The following PURG variants were observed in gnomAD, a reference collection of about 807,000 sequenced individuals.
PURG encodes purine rich element binding protein G.
A neutral mutation model predicts 24.3 loss-of-function variants in PURG; 3 were observed. That is an observed-to-expected ratio of 0.12 (90% CI 0.06 to 0.32). PURG has a LOEUF of 0.32. Ranked by LOEUF, PURG falls within the 10% of genes least tolerant of loss-of-function variation. The pLI, the probability that PURG is intolerant of heterozygous loss-of-function variation, is 1.00. For missense variants in PURG, 371 were observed against 439.1 expected (o/e 0.84, Z 1.39); for synonymous variants, 180 against 173.1 (o/e 1.04, Z -0.31).
Position 31,032,489 on chromosome 8 carries a change from G to A in PURG, c.294C>T (p.Asp98=), listed in dbSNP as rs779275650. 2 of 1,614,202 alleles carry A rather than the reference G, an allele frequency of 1.2e-6. No individual in the cohort carries two copies. The highest frequency in any genetic ancestry group is 1.7e-5 in the Admixed American group (1 of 60,034). The part of the protein sequence containing the change: ...AEVWIGRGRQ[D]NIRKSKLTLS... ...GGGTCAGTTTACTCTTTCTGATGTT[G>A]TCCTGCCGGCCTCTCCCTATCCAGA... Residue 98 remains aspartate (D), a synonymous_variant, in exon 2 of 2, where the codon GAC becomes GAT. Transcript: ENST00000523392. The surrounding 1 kb of genome is among the most constrained non-coding windows in gnomAD (Gnocchi z 5.9).
At chr8:31,015,127 A>G (rs1810835641) in intron 1 of PURG, among the ~76,000 whole-genome samples, 1 of 152,224 alleles carries the variant, frequency 6.6e-6, no homozygotes, top group Admixed American at 6.5e-5. Flanking sequence ...GAAAAGGTTG[A>G]GAAGAAAGTG....
At chr8:31,020,586 G>C (rs1203931264) in intron 1 of PURG, among the ~76,000 whole-genome samples, 4 of 152,256 alleles carry the variant, frequency 2.6e-5, no homozygotes, top group African/African-American at 4.8e-5. Context: ...TCTCAAGATA[G>C]CTGTTGAAAA....
chr8:30,998,204 T>A (rs1810465997), intron 1 of PURG, among the ~76,000 whole-genome samples: 1 of 151,842 alleles, frequency 6.6e-6, no homozygotes, highest in Non-Finnish European at 1.5e-5. Context: ...AGTCTTGTTA[T>A]CACATATACT....
chr8:31,024,394 G>A (rs1174863429), intron 1 of PURG, among the ~76,000 whole-genome samples: 4 of 152,062 alleles, frequency 2.6e-5, no homozygotes, highest in Non-Finnish European at 5.9e-5. Context: ...TTTCACATGA[G>A]GAAATCATCC....
intron 1 of PURG, among the ~76,000 whole-genome samples, chr8:30,999,881 C>T (rs1258681908): frequency 6.6e-6 from 1 of 151,850 alleles, no homozygotes; most frequent in African/African-American, 2.4e-5. Flanking sequence ...CAAAGCATTA[C>T]CATAAAACCT....
intron 1 of PURG, among the ~76,000 whole-genome samples, chr8:31,020,397 A>G (rs1459582549): frequency 6.6e-6 from 1 of 152,220 alleles, no homozygotes; most frequent in African/African-American, 2.4e-5. Flanking sequence ...AAGTCCTAAT[A>G]TTTAATAGTC....
intron 1 of PURG, among the ~76,000 whole-genome samples, chr8:31,008,550 C>T (rs1233620969): frequency 6.6e-6 from 1 of 152,176 alleles, no homozygotes; most frequent in Non-Finnish European, 1.5e-5. Flanking sequence ...GTGAGGCCCA[C>T]CAAGGCCTCC....
intron 1 of PURG, among the ~76,000 whole-genome samples, chr8:30,999,987 A>G (rs62704160): frequency 6.7e-6 from 1 of 148,904 alleles, no homozygotes; most frequent in Admixed American, 6.7e-5. Flanking sequence ...ATAAAAAAAA[A>G]CCACACTGGT....
At chr8:31,017,299 G>T (rs1276588897) in intron 1 of PURG, among the ~76,000 whole-genome samples, 4 of 151,948 alleles carry the variant, frequency 2.6e-5, no homozygotes, top group Non-Finnish European at 5.9e-5. Flanking sequence ...AAGGTGAATA[G>T]GATTGGGATC....
intron 1 of PURG, among the ~76,000 whole-genome samples, chr8:31,007,510 G>A (rs1185078217): frequency 6.6e-6 from 1 of 152,174 alleles, no homozygotes; most frequent in Admixed American, 6.5e-5. Flanking sequence ...TATTCTGAAT[G>A]ACGTCTATAT....
In PURG at chr8:31,032,669, G is replaced by C. The variant is rs373954201; in HGVS notation, c.114C>G (p.His38Gln). ...SRLYPQAQHS[H>Q]YPHYAASATP... ...TGGCTGAGGCCGCGTAGTGGGGGTAGTGGGAGTGCTGGGCCTGGGGATAGA... is the reference window on the plus strand; with the variant it reads ...TGGCTGAGGCCGCGTAGTGGGGGTACTGGGAGTGCTGGGCCTGGGGATAGA... The change falls in exon 2 of 2, where the codon CAC (histidine) becomes CAG (glutamine). Residue 38 changes from histidine (H) to glutamine (Q), a missense_variant. Coordinates refer to ENST00000523392, the MANE Select transcript of PURG (RefSeq NM_001323311.2). The surrounding 1 kb of genome is among the most constrained non-coding windows in gnomAD (Gnocchi z 5.9). 97 of 1,559,880 alleles carry C rather than the reference G, an allele frequency of 6.2e-5. No individual in the cohort carries two copies. The highest frequency in any genetic ancestry group is 8.2e-5 in the Non-Finnish European group (95 of 1,151,822).
Position 31,032,539 on chromosome 8 carries a change from C to T in PURG, c.244G>A (p.Gly82Ser). 1.2e-6 allele frequency: 2 copies of T among 1,614,210 alleles called. No individual in the cohort carries two copies. The highest frequency in any genetic ancestry group is 1.7e-6 in the Non-Finnish European group (2 of 1,180,020). The part of the protein sequence containing the change: ...FYLDVKQSSR[G>S]RFLKIAEVWI... ...ACTTCGGCTATCTTTAGGAAGCGGC[C>T]CCGGGAGCTTTGCTTCACGTCTAGG... The change falls in exon 2 of 2, where the codon GGC becomes AGC. Residue 82 changes from glycine (G) to serine (S), a missense_variant. Gly to Ser is a moderately conservative substitution (Grantham distance 56). Around this residue, in one of 5 missense-constraint regions of PURG, gnomAD observed 213 missense variants for 230.6 expected, o/e 0.92. Coordinates refer to ENST00000523392, the MANE Select transcript of PURG (RefSeq NM_001323311.2). The surrounding 1 kb of genome is among the most constrained non-coding windows in gnomAD (Gnocchi z 5.9).
At chr8:31,030,080 A>C (rs1200952827), downstream of PURG, among the ~76,000 whole-genome samples, 1 of 151,978 alleles carries the variant, frequency 6.6e-6, no homozygotes, top group African/African-American at 2.4e-5. Context: ...ACATAAACCA[A>C]TGAAATTAAT....
intron 1 of PURG, among the ~76,000 whole-genome samples, chr8:31,012,451 C>G (rs1810780553): frequency 1.3e-5 from 2 of 152,094 alleles, no homozygotes; most frequent in South Asian, 4.1e-4. Flanking sequence ...GGCAGAGAAG[C>G]AGCATACTGC....
At chr8:31,008,450 C>A (rs1810699555) in intron 1 of PURG, among the ~76,000 whole-genome samples, 1 of 152,094 alleles carries the variant, frequency 6.6e-6, no homozygotes, top group Non-Finnish European at 1.5e-5. Flanking sequence ...ATTACAGCTG[C>A]GTGCCACCAC....
In PURG at chr8:31,033,107, T is replaced by TG. The variant is rs1251008768; in HGVS notation, c.-37dup. 7 of 216,600 alleles carry TG rather than the reference T, an allele frequency of 3.2e-5. No homozygotes were observed. Among genetic ancestry groups the TG allele is most frequent in the Admixed American group, 1.8e-4 (3 of 16,488 alleles). 13.4% of individuals were successfully genotyped at this position (216,600 alleles called of 1,614,324 possible). ...TCTCTGCCATCACCGCCGCCGCCGATGCCCTTCACGACCACCGCCGCCGCC... is the reference window on the plus strand; with the variant it reads ...TCTCTGCCATCACCGCCGCCGCCGATGGCCCTTCACGACCACCGCCGCCGCC... On this transcript the variant is annotated 5_prime_UTR_variant, in exon 1 of 2. An upstream open reading frame in the 5' UTR loses its in-frame stop. Coordinates refer to ENST00000523392, the MANE Select transcript of PURG (RefSeq NM_001323311.2).
chr8:31,023,996 C>T (rs1811047350), intron 1 of PURG, among the ~76,000 whole-genome samples: 1 of 151,974 alleles, frequency 6.6e-6, no homozygotes, highest in African/African-American at 2.4e-5. Flanking sequence ...AAGCAATGCT[C>T]CTTCCAAATA....
At chr8:31,005,289 T>C (rs1201861253) in intron 1 of PURG, among the ~76,000 whole-genome samples, 1 of 151,894 alleles carries the variant, frequency 6.6e-6, no homozygotes, top group East Asian at 1.9e-4. Context: ...AAAAGTTAGC[T>C]GGGCGTGGTG....
At chr8:31,010,957 A>T (rs1409620291) in intron 1 of PURG, among the ~76,000 whole-genome samples, 1 of 152,212 alleles carries the variant, frequency 6.6e-6, no homozygotes, top group East Asian at 1.9e-4. Context: ...AACTGAATTT[A>T]TCTATTAATT....
Sources: allele counts gnomAD v4.1 joint callset (sites outside exome capture counted in the v4.1 genomes callset), GRCh38; gene constraint gnomAD v4.1.1; regional missense constraint gnomAD v4.1.1; non-coding constraint Gnocchi (gnomAD v3.1); transcripts MANE v1.5; gene names NCBI Gene and HGNC (gene_info 2026-07-23, HGNC 2026-07-21).